The following LRBA variants were observed in gnomAD, a reference collection of about 807,000 sequenced individuals.
The protein encoded by LRBA is LPS responsive beige-like anchor protein, also known as lipopolysaccharide-responsive and beige-like anchor protein.
Under a neutral mutation model 330.0 loss-of-function variants are expected in LRBA, and 176 were observed. That is an observed-to-expected ratio of 0.53 (90% CI 0.47 to 0.60). The LOEUF (loss-of-function observed/expected upper bound fraction) is 0.60, where lower values mean the gene tolerates loss of function less well. Among genes scored for constraint, LRBA ranks in the 20% least tolerant of loss-of-function variants. The probability of loss-of-function intolerance (pLI) is 0.00; values close to 1 mark genes in which losing one functional copy is unlikely to be tolerated. For synonymous variants in LRBA, 1,230 were observed against 1,193.0 expected (o/e 1.03, Z -0.64); for missense variants, 3,259 against 3,444.8 (o/e 0.95, Z 1.35).
intron 35 of LRBA, among the ~76,000 whole-genome samples, chr4:150,741,533 G>A (rs1351492441): frequency 6.6e-6 from 1 of 152,116 alleles, no homozygotes; most frequent in Non-Finnish European, 1.5e-5. Context: ...TGAAGTAACA[G>A]GGACTCTTAT....
intron 32 of LRBA, among the ~76,000 whole-genome samples, chr4:150,807,326 C>T (rs559517784): frequency 6.6e-6 from 1 of 152,108 alleles, no homozygotes; most frequent in Non-Finnish European, 1.5e-5. Context: ...ACAGGCACTG[C>T]TCTAAATACT....
chr4:150,384,281 G>A (rs935612523), intron 47 of LRBA, among the ~76,000 whole-genome samples: 39 of 151,824 alleles, frequency 2.6e-4, no homozygotes, highest in African/African-American at 9.2e-4. Flanking sequence ...CAGGTGATCC[G>A]CCCACCTCAG....
chr4:150,543,870 A>G (rs1379931768), intron 40 of LRBA, among the ~76,000 whole-genome samples: 3 of 152,112 alleles, frequency 2.0e-5, no homozygotes, highest in African/African-American at 7.2e-5. Context: ...ACTAAAATAT[A>G]TTTTATATAT....
At chr4:150,839,532 A>G (rs1254340337) in intron 28 of LRBA, among the ~76,000 whole-genome samples, 1 of 152,252 alleles carries the variant, frequency 6.6e-6, no homozygotes, top group East Asian at 1.9e-4. Flanking sequence ...TGTGGCACAT[A>G]TACACCATGG....
chr4:150,521,367 T>C (rs1379025414), intron 40 of LRBA, among the ~76,000 whole-genome samples: 1 of 152,186 alleles, frequency 6.6e-6, no homozygotes, highest in Non-Finnish European at 1.5e-5. Context: ...GTTATAGGTT[T>C]TCCTCTAGGT....
chr4:150,346,783 A>AAAAAAAAAAAAAAAAAAAC (rs1736408222), intron 48 of LRBA, among the ~76,000 whole-genome samples: 2 of 133,470 alleles, frequency 1.5e-5, no homozygotes, highest in African/African-American at 5.2e-5. Context: ...AAAAAAAAAA[A>AAAAAAAAAAAAAAAAAAAC]AAAACACTTA....
At chr4:150,802,004 T>TATAAATAAATAAATAA (rs10582625) in intron 33 of LRBA, among the ~76,000 whole-genome samples, 1 of 132,042 alleles carries the variant, frequency 7.6e-6, no homozygotes, top group Admixed American at 8.3e-5. Flanking sequence ...AACCCATCTC[T>TATAAATAAATAAATAA]ATAAATAAAT....
chr4:150,745,369 C>T (rs1732545951), intron 35 of LRBA, among the ~76,000 whole-genome samples: 1 of 150,944 alleles, frequency 6.6e-6, no homozygotes, highest in South Asian at 2.1e-4. Context: ...GCAAAGATCA[C>T]AATAATCTAC....
At chr4:150,802,508 G>T (rs962120149) in intron 33 of LRBA, among the ~76,000 whole-genome samples, 1 of 151,748 alleles carries the variant, frequency 6.6e-6, no homozygotes, top group Non-Finnish European at 1.5e-5. Context: ...TATAATAATT[G>T]TAAGACATAA....
chr4:150,452,183 A>G (rs1753424868), intron 44 of LRBA, among the ~76,000 whole-genome samples: 1 of 152,230 alleles, frequency 6.6e-6, no homozygotes, highest in African/African-American at 2.4e-5. Context: ...AATGGGATCC[A>G]GCCATTTATT....
intron 47 of LRBA, among the ~76,000 whole-genome samples, chr4:150,405,010 G>A (rs755569567): frequency 2.6e-4 from 39 of 152,122 alleles, no homozygotes; most frequent in Non-Finnish European, 4.9e-4. Flanking sequence ...AGGAAAACAA[G>A]CAAAAAGCTC....
At chr4:150,817,296 T>C (rs1744749455) in intron 30 of LRBA, 39 bp from the exon 31 acceptor site, 1 of 1,581,968 alleles carries the variant, frequency 6.3e-7, no homozygotes, top group Admixed American at 1.7e-5. Context: ...AGATACAAAT[T>C]GATCTCTTGA....
At chr4:150,548,559 T>C (rs1014733000) in intron 40 of LRBA, among the ~76,000 whole-genome samples, 9 of 152,158 alleles carry the variant, frequency 5.9e-5, no homozygotes, top group African/African-American at 1.2e-4. Flanking sequence ...TCTGCATAGT[T>C]TACTAGTCTA....
chr4:150,812,964 T>C (rs1162659197), intron 31 of LRBA, among the ~76,000 whole-genome samples: 2 of 152,006 alleles, frequency 1.3e-5, no homozygotes, highest in South Asian at 2.1e-4. Context: ...TCAAGGCTTG[T>C]CTGGGCAATA....
intron 40 of LRBA, among the ~76,000 whole-genome samples, chr4:150,545,491 T>G (rs1236991475): frequency 6.6e-6 from 1 of 152,142 alleles, no homozygotes; most frequent in Admixed American, 6.5e-5. Flanking sequence ...GTTATTATTC[T>G]GAGACCACAA....
intron 36 of LRBA, among the ~76,000 whole-genome samples, chr4:150,696,697 AG>A (rs1448064150): frequency 6.6e-6 from 1 of 152,128 alleles, no homozygotes; most frequent in East Asian, 1.9e-4. Context: ...AGAGAGAAAA[AG>A]AAGGAACTAT....
intron 37 of LRBA, among the ~76,000 whole-genome samples, chr4:150,622,958 A>C (rs973487929): frequency 2.0e-5 from 3 of 152,004 alleles, no homozygotes; most frequent in Non-Finnish European, 4.4e-5. Context: ...CGGCCTCCCA[A>C]AGTGTTGGGA....
chr4:150,553,579 A>C (rs911068181), intron 40 of LRBA, among the ~76,000 whole-genome samples: 1 of 152,176 alleles, frequency 6.6e-6, no homozygotes, highest in Non-Finnish European at 1.5e-5. Context: ...GAATACAAAA[A>C]TACAATTTAT....
chr4:150,382,000 T>C (rs1158983553), intron 47 of LRBA, among the ~76,000 whole-genome samples: 2 of 152,212 alleles, frequency 1.3e-5, no homozygotes, highest in East Asian at 1.9e-4. Flanking sequence ...AGTTTTTCAT[T>C]AGACTATTTA....
Sources: gnomAD v4.1 joint callset for allele counts (sites outside exome capture counted in the v4.1 genomes callset) on GRCh38, gnomAD v4.1.1 for gene constraint, MANE v1.5 for transcripts, NCBI Gene and HGNC (gene_info 2026-07-23, HGNC 2026-07-21) for gene names.